Variants in CD47 observed in about 807,000 individuals in gnomAD.
CD47 encodes the protein CD47 molecule.
In CD47, 11 loss-of-function variants were observed where a neutral mutation model predicts 44.6. The observed-to-expected ratio is 0.25, with a 90% CI of 0.16 to 0.41. The LOEUF is 0.41. Ranked by LOEUF, CD47 falls within the 10% of genes least tolerant of loss-of-function variation. The probability of loss-of-function intolerance (pLI) is 1.00; values close to 1 mark genes in which losing one functional copy is unlikely to be tolerated. For missense variants in CD47, 306 were observed against 386.7 expected, an observed-to-expected ratio of 0.79 and a Z score of 1.75; for synonymous variants, 140 against 136.3, an observed-to-expected ratio of 1.03 and a Z score of -0.19.
intron 3 of CD47, among the ~76,000 whole-genome samples, chr3:108,067,801 G>A (rs1364194708): frequency 5.3e-5 from 8 of 152,154 alleles, no homozygotes; most frequent in African/African-American, 1.9e-4. Flanking sequence ...GTGCTGGCTG[G>A]GCTCTGGGAG....
At chr3:108,071,319 T>C in intron 2 of CD47, 137 bp from the exon 3 acceptor site, 1 of 553,332 alleles carries the variant, frequency 1.8e-6, no homozygotes, top group South Asian at 2.5e-5. Flanking sequence ...ATGTATTTAT[T>C]TATACATACA....
At chr3:108,058,271 A>AC in intron 6 of CD47, 66 bp downstream of exon 6, 1 of 881,638 alleles carries the variant, frequency 1.1e-6, no homozygotes, top group South Asian at 2.0e-5. Context: ...AGAAAGAAAA[A>AC]GAAAAAGGAA....
chr3:108,078,946 C>T (rs1460457031), intron 2 of CD47, among the ~76,000 whole-genome samples: 2 of 152,062 alleles, frequency 1.3e-5, no homozygotes, highest in East Asian at 3.8e-4. Flanking sequence ...CTCGGTTAAG[C>T]ACCTTCTCAA....
intron 5 of CD47, among the ~76,000 whole-genome samples, chr3:108,059,074 T>C (rs1461731126): frequency 6.6e-6 from 1 of 152,210 alleles, no homozygotes; most frequent in African/African-American, 2.4e-5. Flanking sequence ...CATAATTCCA[T>C]TTTATAGAAC....
Position 108,058,320 on chromosome 3 carries a change from A to G in CD47, c.784+17T>C. 2.0e-6 allele frequency: 3 copies of G among 1,485,262 alleles called. No homozygotes were observed. The highest frequency in any genetic ancestry group is 1.2e-5 in the South Asian group (1 of 80,390). The allele number at this position is 1,485,262 out of a possible 1,614,324, so 92.0% of individuals were successfully genotyped here. On this transcript the variant is annotated intron_variant, in intron 6 of 10. Coordinates refer to ENST00000361309, the MANE Select transcript of CD47 (RefSeq NM_001777.4). The stretch of plus-strand genomic sequence containing the variant: ...CAAAAGTAACCCAAATTAGGTCTAC[A>G]GAAAGATGACTCTTACCCGCAATAC...
intron 3 of CD47, among the ~76,000 whole-genome samples, chr3:108,062,426 A>C (rs959273398): frequency 1.3e-5 from 2 of 152,140 alleles, no homozygotes; most frequent in Non-Finnish European, 2.9e-5. Flanking sequence ...TTGTTATCTA[A>C]ATAGAGCTTG....
chr3:108,050,718 CAA>C (rs566494643), intron 8 of CD47, 116 bp from the exon 9 acceptor site: 107 of 423,686 alleles, frequency 2.5e-4, no homozygotes, highest in Middle Eastern at 6.6e-4. Flanking sequence ...ATCCTACAGT[CAA>C]AAAAAAAAGA....
In CD47 at chr3:108,045,678, A is replaced by C. The variant is rs1367369911; in HGVS notation, c.*1610T>G. On this transcript the variant is annotated 3_prime_UTR_variant, in exon 11 of 11. Coordinates refer to ENST00000361309, the MANE Select transcript of CD47 (RefSeq NM_001777.4). ...CTTGGTCCCAACATGAAATATGACA[A>C]TCAATTTGGCATAAAAGAGGCACAC... 6.6e-6 allele frequency: 1 copy of C among 152,616 alleles called. No individual in the cohort carries two copies. The highest frequency in any genetic ancestry group is 1.5e-5 in the Non-Finnish European group (1 of 68,026). The allele number at this position is 152,616 out of a possible 1,614,324, so 9.5% of individuals were successfully genotyped here. A position where few individuals can be genotyped will look rare whatever the true frequency, so the allele number is the denominator to read the frequency against.
At chr3:108,071,803 A>C (rs577680550) in intron 2 of CD47, among the ~76,000 whole-genome samples, 1 of 152,330 alleles carries the variant, frequency 6.6e-6, no homozygotes, top group Non-Finnish European at 1.5e-5. Context: ...AGGGAACCTA[A>C]GCGAGGAAGA....
At chr3:108,068,743 G>C (rs2079147100) in intron 3 of CD47, among the ~76,000 whole-genome samples, 1 of 152,210 alleles carries the variant, frequency 6.6e-6, no homozygotes, top group South Asian at 2.1e-4. Context: ...TTCAGATATA[G>C]AGTACTTTGC....
In CD47 at chr3:108,045,569, T is replaced by TC. The variant is rs200758328; in HGVS notation, c.*1718dup. 1.9e-3 allele frequency: 291 copies of TC among 152,532 alleles called. 1 individual carries two copies. Among genetic ancestry groups the TC allele is most frequent in the African/African-American group, 6.2e-3 (257 of 41,492 alleles). 9.4% of individuals were successfully genotyped at this position (152,532 alleles called of 1,614,324 possible). On this transcript the variant is annotated 3_prime_UTR_variant, in exon 11 of 11. Coordinates refer to ENST00000361309, the MANE Select transcript of CD47 (RefSeq NM_001777.4). ...TATTTGTGTATACATATTTTTTTTT[T>TC]CAAGAAGAGCTGTCTTGCTAGTATG...
chr3:108,073,435 C>T (rs777698187), intron 2 of CD47, among the ~76,000 whole-genome samples: 14 of 152,058 alleles, frequency 9.2e-5, no homozygotes, highest in Non-Finnish European at 1.9e-4. Context: ...GCAGAGGACC[C>T]TGAGTGTGCA....
In CD47 at chr3:108,046,231, T is replaced by C. The variant is rs2078720421; in HGVS notation, c.*1057A>G. ...GCAACATAGATACAACAGTAATAAA[T>C]CCCCATTCAAGGGCTGGCCTGTTGG... On this transcript the variant is annotated 3_prime_UTR_variant, in exon 11 of 11. Coordinates refer to ENST00000361309, the MANE Select transcript of CD47 (RefSeq NM_001777.4). The C allele has an allele frequency of 6.6e-6, 1 of 152,650 alleles. No individual in the cohort carries two copies. Among genetic ancestry groups the C allele is most frequent in the Admixed American group, 6.5e-5 (1 of 15,288 alleles). The allele number at this position is 152,650 out of a possible 1,614,324, so 9.5% of individuals were successfully genotyped here.
intron 3 of CD47, among the ~76,000 whole-genome samples, chr3:108,069,729 C>T (rs990905843): frequency 6.6e-6 from 1 of 152,008 alleles, no homozygotes; most frequent in Non-Finnish European, 1.5e-5. Flanking sequence ...CTCAAAAAAT[C>T]GCACTATGTG....
chr3:108,065,107 T>A (rs920912287), intron 3 of CD47, among the ~76,000 whole-genome samples: 4 of 152,214 alleles, frequency 2.6e-5, no homozygotes, highest in Non-Finnish European at 5.9e-5. Context: ...TTTATAATAA[T>A]CTCCATACAC....
At chr3:108,060,723 GC>G (rs2078996435) in intron 4 of CD47, 21 bp downstream of exon 4, 1 of 1,500,008 alleles carries the variant, frequency 6.7e-7, no homozygotes, top group African/African-American at 1.4e-5. Flanking sequence ...CTGCGTTCCT[GC>G]CTAGGAACTG....
At chr3:108,083,257 T>G (rs1168068658) in intron 1 of CD47, among the ~76,000 whole-genome samples, 2 of 152,032 alleles carry the variant, frequency 1.3e-5, no homozygotes, top group African/African-American at 4.8e-5. Context: ...AGTATTAGAC[T>G]TGAAACCTTC....
In CD47 at chr3:108,046,246, T is replaced by C. The variant is rs1279773130; in HGVS notation, c.*1042A>G. 1.3e-5 allele frequency: 2 copies of C among 152,712 alleles called. No individual in the cohort carries two copies. The highest frequency in any genetic ancestry group is 2.9e-5 in the Non-Finnish European group (2 of 68,050). The allele number at this position is 152,712 out of a possible 1,614,324, so 9.5% of individuals were successfully genotyped here. Reference sequence around the variant, plus strand: ...CAGTAATAAATCCCCATTCAAGGGCTGGCCTGTTGGCCTGATGGTGACACA... The same window carrying C: ...CAGTAATAAATCCCCATTCAAGGGCCGGCCTGTTGGCCTGATGGTGACACA... On this transcript the variant is annotated 3_prime_UTR_variant, in exon 11 of 11. Transcript: ENST00000361309.
In CD47 at chr3:108,046,499, T is replaced by C. The variant is rs188703520; in HGVS notation, c.*789A>G. 17 of 152,726 alleles carry C rather than the reference T, an allele frequency of 1.1e-4. No individual in the cohort carries two copies. The East Asian group carries it at 2.3e-3, about 21-fold the overall frequency. 9.5% of individuals were successfully genotyped at this position (152,726 alleles called of 1,614,324 possible). A position where few individuals can be genotyped will look rare whatever the true frequency, so the allele number is the denominator to read the frequency against. ...CTGGTGCTACCGTGTCACTAGACCATGTTCAAAGAGGAGAAAAGGTGCTAC... is the reference window on the plus strand; with the variant it reads ...CTGGTGCTACCGTGTCACTAGACCACGTTCAAAGAGGAGAAAAGGTGCTAC... On this transcript the variant is annotated 3_prime_UTR_variant, in exon 11 of 11. Transcript: ENST00000361309.
Sources: gnomAD v4.1 joint callset for allele counts (sites outside exome capture counted in the v4.1 genomes callset) on GRCh38, gnomAD v4.1.1 for gene constraint, MANE v1.5 for transcripts, NCBI Gene and HGNC (gene_info 2026-07-23, HGNC 2026-07-21) for gene names.